Variants in KCP observed in about 807,000 individuals in gnomAD.
KCP encodes kielin/chordin-like protein.
KCP carries 194 observed loss-of-function variants against 212.7 expected under a neutral mutation model. That is an observed-to-expected ratio of 0.91 (90% CI 0.81 to 1.03). The LOEUF (loss-of-function observed/expected upper bound fraction) is 1.03, where lower values mean the gene tolerates loss of function less well. Ranked by LOEUF, KCP falls within the 50% of genes least tolerant of loss-of-function variation. The pLI is 0.00. For synonymous variants in KCP, 833 were observed against 865.3 expected, an observed-to-expected ratio of 0.96 and a Z score of 0.65; for missense variants, 2,080 against 2,162.5, an observed-to-expected ratio of 0.96 and a Z score of 0.76.
At chr7:128,887,836 CACACACAT>C (rs1348200817) in intron 22 of KCP, among the ~76,000 whole-genome samples, 12 of 150,414 alleles carry the variant, frequency 8.0e-5, no homozygotes, top group Middle Eastern at 3.5e-3. Context: ...CACACACACA[CACACACAT>C]ACACACATAC....
intron 8 of KCP, among the ~76,000 whole-genome samples, chr7:128,896,652 G>A (rs2128948805): frequency 6.6e-6 from 1 of 152,154 alleles, no homozygotes; most frequent in Non-Finnish European, 1.5e-5. Context: ...CAGCACTTTG[G>A]GAGGCCGAGG....
chr7:128,878,597 C>A lies in KCP; in HGVS notation c.4272G>T (p.Leu1424=). The change falls in exon 38 of 40, where the codon CTG becomes CTT. Residue 1424 remains leucine, a synonymous_variant. Coordinates refer to ENST00000610776, the MANE Select transcript of KCP (RefSeq NM_001366122.1). Reference sequence around the variant, plus strand: ...CAAACGCAGCCTCCGAGGGCAGGAGCAGCCCCTCAGGGCCCTGCAGATCGT... The same window carrying A: ...CAAACGCAGCCTCCGAGGGCAGGAGAAGCCCCTCAGGGCCCTGCAGATCGT... ...AQDDLQGPEG[L]LLPSEAAFGN... 1 of 1,551,462 alleles carries A rather than the reference C, an allele frequency of 6.4e-7. No homozygotes were observed. Among genetic ancestry groups the A allele is most frequent in the South Asian group, 1.2e-5 (1 of 84,058 alleles).
intron 7 of KCP, chr7:128,903,165 C>T: frequency 2.2e-6 from 1 of 448,846 alleles, no homozygotes; most frequent in Non-Finnish European, 4.0e-6. Flanking sequence ...CACACTCACC[C>T]TCCGTGTCAG....
chr7:128,884,751 C>A, intron 28 of KCP, 30 bp downstream of exon 28: 1 of 1,547,058 alleles, frequency 6.5e-7, no homozygotes, highest in Non-Finnish European at 8.7e-7. Context: ...CGACGAGGTG[C>A]CCCAGCCCCA....
chr7:128,892,848 A>T, intron 14 of KCP, 21 bp downstream of exon 14: 15 of 1,551,014 alleles, frequency 9.7e-6, no homozygotes, highest in Non-Finnish European at 1.3e-5. Flanking sequence ...GAAGAAAGCC[A>T]GGATCAGCCC....
rs766915802 is a variant in KCP at position 128,891,617 on chromosome 7, A to G, written c.1795+29T>C. On this transcript the variant is annotated intron_variant, in intron 17 of 39. Coordinates refer to ENST00000610776, the MANE Select transcript of KCP (RefSeq NM_001366122.1). ...TCCGGGGGCCATGCCATCCCATCCC[A>G]GAAGGCCGCCCTGACCCGCCCACCT... is the stretch of plus-strand genomic sequence containing the variant. 6 of 1,500,986 alleles carry G rather than the reference A, an allele frequency of 4.0e-6. No individual in the cohort carries two copies. In the African/African-American group the frequency reaches 8.3e-5, roughly 21 times the overall value. 93.0% of individuals were successfully genotyped at this position (1,500,986 alleles called of 1,614,324 possible).
At chr7:128,901,226 C>CT (rs1196572672) in intron 8 of KCP, among the ~76,000 whole-genome samples, 2 of 152,196 alleles carry the variant, frequency 1.3e-5, no homozygotes, top group Non-Finnish European at 2.9e-5. Context: ...TAATCCACTC[C>CT]TTTTTTAGCA....
Position 128,894,063 on chromosome 7 carries a change from G to A in KCP, c.926-8C>T, listed in dbSNP as rs1227758849. 1.3e-6 allele frequency: 2 copies of A among 1,548,570 alleles called. No homozygotes were observed. Among genetic ancestry groups the A allele is most frequent in the African/African-American group, 1.4e-5 (1 of 73,134 alleles). ...GCCCGTTTAGGAAACAGCCTGTTGG[G>A]AAGGGGGGCCTTAGATGTTCCTCAG... On this transcript the variant is annotated splice_polypyrimidine_tract_variant and splice_region_variant and intron_variant, in intron 9 of 39. Coordinates refer to ENST00000610776, the MANE Select transcript of KCP (RefSeq NM_001366122.1).
chr7:128,880,372 A>G lies in KCP; in HGVS notation c.3759+14T>C, dbSNP rs1165125321. 1 of 1,489,622 alleles carries G rather than the reference A, an allele frequency of 6.7e-7. No individual in the cohort carries two copies. Among genetic ancestry groups the G allele is most frequent in the Non-Finnish European group, 9.0e-7 (1 of 1,105,278 alleles). 92.3% of individuals were successfully genotyped at this position (1,489,622 alleles called of 1,614,324 possible). On this transcript the variant is annotated intron_variant, in intron 34 of 39. Coordinates refer to ENST00000610776, the MANE Select transcript of KCP (RefSeq NM_001366122.1). ...ACCCTGACCCTCCCCACCATTTTAG[A>G]TTGCGGCACTCACGGGGCCACACGA...
At chr7:128,892,473 TG>T in intron 16 of KCP, 40 bp downstream of exon 16, 2 of 1,399,656 alleles carry the variant, frequency 1.4e-6, no homozygotes, top group Non-Finnish European at 1.9e-6. Flanking sequence ...CAGCAGCCTC[TG>T]GGGCCCTGAT....
intron 5 of KCP, 135 bp from the exon 6 acceptor site, chr7:128,904,273 C>T (rs1448385158): frequency 6.4e-7 from 1 of 1,552,082 alleles, no homozygotes; most frequent in South Asian, 1.2e-5. Flanking sequence ...CAGGACAGGG[C>T]AGGAGGTCAC....
At position 128,877,504 on chromosome 7, in the gene KCP, CAGGT is replaced by C. The variant is rs1354798995; in HGVS notation, c.4594_4597del (p.Thr1532GlyfsTer9). 1 of 1,551,120 alleles carries C rather than the reference CAGGT, an allele frequency of 6.4e-7. No individual in the cohort carries two copies. The highest frequency in any genetic ancestry group is 8.7e-7 in the Non-Finnish European group (1 of 1,146,960). On this transcript the variant is annotated frameshift_variant, in exon 39 of 40. Coordinates refer to ENST00000610776, the MANE Select transcript of KCP (RefSeq NM_001366122.1). LOFTEE classifies it high-confidence loss of function. ...CTCACCACACAGCGTGGGGCCTCGCCAGGTAGGTGTCACTCCTGCCTGGCGACAG... is the reference window on the plus strand; with the variant it reads ...CTCACCACACAGCGTGGGGCCTCGCCAGGTGTCACTCCTGCCTGGCGACAG...
intron 2 of KCP, 122 bp downstream of exon 2, chr7:128,908,304 A>AAGAAAGAAAG (rs1443262180): frequency 2.8e-6 from 2 of 709,524 alleles, no homozygotes; most frequent in Admixed American, 8.2e-5. Flanking sequence ...GAAAGAAAGA[A>AAGAAAGAAAG]AGGGAATTGT....
At chr7:128,897,521 A>G (rs1794599706) in intron 8 of KCP, among the ~76,000 whole-genome samples, 1 of 152,174 alleles carries the variant, frequency 6.6e-6, no homozygotes, top group Non-Finnish European at 1.5e-5. Flanking sequence ...GTTTAATAAG[A>G]GCTTATTTTG....
intron 26 of KCP, 56 bp downstream of exon 26, chr7:128,886,408 A>C: frequency 7.1e-7 from 1 of 1,416,690 alleles, no homozygotes; most frequent in Non-Finnish European, 9.6e-7. Context: ...TGGGGTGGAC[A>C]GAGGGACACA....
At position 128,892,953 on chromosome 7, in the gene KCP, C is replaced by T. The variant is rs1036664168; in HGVS notation, c.1336G>A (p.Ala446Thr). ...QWEPDGRPCT[A>T]CVCQDGVPKC... is the part of the protein sequence containing the mutation. ...GGTACCCCATCTTGACAGACGCAGG[C>T]GGTGCAGGGCCGACCATCAGGCTCC... The change falls in exon 14 of 40, where the codon GCC (alanine) becomes ACC (threonine). Residue 446 changes from alanine to threonine, a missense_variant. Physicochemically the swap from Ala to Thr is moderately conservative, Grantham distance 58. Transcript: ENST00000610776. The T allele has an allele frequency of 1.7e-5, 23 of 1,343,642 alleles. No homozygotes were observed. The highest frequency in any genetic ancestry group is 1.8e-4 in the Middle Eastern group (1 of 5,604). 83.2% of individuals were successfully genotyped at this position (1,343,642 alleles called of 1,614,324 possible).
At position 128,891,095 on chromosome 7, in the gene KCP, G is replaced by A. The variant is rs1216413600; in HGVS notation, c.1974C>T (p.Ala658=). The A allele has an allele frequency of 1.4e-6, 2 of 1,445,862 alleles. No homozygotes were observed. The highest frequency in any genetic ancestry group is 1.8e-6 in the Non-Finnish European group (2 of 1,103,694). The allele number at this position is 1,445,862 out of a possible 1,614,324, so 89.6% of individuals were successfully genotyped here. A position where few individuals can be genotyped will look rare whatever the true frequency, so the allele number is the denominator to read the frequency against. The change falls in exon 20 of 40, where the codon GCC becomes GCT. Residue 658 remains alanine, a splice_region_variant and synonymous_variant. Coordinates refer to ENST00000610776, the MANE Select transcript of KCP (RefSeq NM_001366122.1). ...GTGGGCAGCCGGCGGGGGCTGGGGC[G>A]GCTGCGGCGAGACAGCGCATCAAAG... is the stretch of plus-strand genomic sequence containing the variant. ...LPGECCPQCP[A]APAPAGCPRP...
intron 22 of KCP, among the ~76,000 whole-genome samples, chr7:128,887,915 CCACACA>C (rs1173848056): frequency 1.4e-5 from 2 of 138,316 alleles, no homozygotes; most frequent in Admixed American, 7.2e-5. Flanking sequence ...ACATACACAC[CCACACA>C]CACAGCCATA....
At chr7:128,908,977 T>C (rs545773943) in intron 1 of KCP, among the ~76,000 whole-genome samples, 4 of 151,928 alleles carry the variant, frequency 2.6e-5, no homozygotes, top group African/African-American at 9.7e-5. Flanking sequence ...TTGGGTGGGG[T>C]GGGCTTCAAA....
Sources: gnomAD v4.1 joint callset for allele counts (sites outside exome capture counted in the v4.1 genomes callset) on GRCh38, gnomAD v4.1.1 for gene constraint, MANE v1.5 for transcripts, NCBI Gene and HGNC (gene_info 2026-07-23, HGNC 2026-07-21) for gene names.